The following CNTNAP5 variants were observed in gnomAD, a reference collection of about 807,000 sequenced individuals.
The protein encoded by CNTNAP5 is contactin associated protein family member 5, also known as contactin-associated protein-like 5.
Under a neutral mutation model 150.2 loss-of-function variants are expected in CNTNAP5, and 72 were observed. The ratio of observed to expected loss-of-function variants is 0.48; its 90% CI spans 0.40 to 0.58. CNTNAP5 has a LOEUF of 0.58. Ranked by LOEUF, CNTNAP5 falls within the 20% of genes least tolerant of loss-of-function variation. The pLI, the probability that CNTNAP5 is intolerant of heterozygous loss-of-function variation, is 0.00. For synonymous variants in CNTNAP5, 672 were observed against 619.8 expected (o/e 1.08, Z -1.25); for missense variants, 1,636 against 1,626.2 (o/e 1.01, Z -0.10).
At chr2:124,498,026 A>C (rs1010394461) in intron 7 of CNTNAP5, among the ~76,000 whole-genome samples, 1 of 152,224 alleles carries the variant, frequency 6.6e-6, no homozygotes, top group Admixed American at 6.5e-5. Context: ...TCATGAGATG[A>C]TCATGGTAAT....
At chr2:124,829,072 A>C (rs965510827) in intron 19 of CNTNAP5, among the ~76,000 whole-genome samples, 1 of 152,154 alleles carries the variant, frequency 6.6e-6, no homozygotes, top group Non-Finnish European at 1.5e-5. Flanking sequence ...GTGCAAGAAA[A>C]GGCAAGGGCT....
intron 16 of CNTNAP5, among the ~76,000 whole-genome samples, chr2:124,768,659 G>A (rs1268020385): frequency 6.6e-6 from 1 of 152,040 alleles, no homozygotes; most frequent in Non-Finnish European, 1.5e-5. Flanking sequence ...AGGGGAAGTG[G>A]CAAGCCCTGA....
At chr2:124,164,067 G>T (rs1048296569) in intron 1 of CNTNAP5, among the ~76,000 whole-genome samples, 4 of 151,962 alleles carry the variant, frequency 2.6e-5, no homozygotes, top group African/African-American at 2.4e-5. Flanking sequence ...TGTGTTTCTG[G>T]CTCTGAAAAC....
chr2:124,622,534 G>A (rs1029413734), intron 12 of CNTNAP5, among the ~76,000 whole-genome samples: 3 of 151,912 alleles, frequency 2.0e-5, no homozygotes, highest in Non-Finnish European at 4.4e-5. Flanking sequence ...TAGGTCTTTG[G>A]GGAATTGCCA....
chr2:124,538,059 CGAG>C (rs1695282081), intron 10 of CNTNAP5, among the ~76,000 whole-genome samples: 1 of 152,124 alleles, frequency 6.6e-6, no homozygotes, highest in African/African-American at 2.4e-5. Context: ...CTTCCAAAGA[CGAG>C]GAGTTCATTT....
chr2:124,079,979 G>A (rs537044816), intron 1 of CNTNAP5, among the ~76,000 whole-genome samples: 1 of 152,294 alleles, frequency 6.6e-6, no homozygotes, highest in Non-Finnish European at 1.5e-5. Flanking sequence ...TGAGAAGAGT[G>A]CCTAGCACAT....
intron 13 of CNTNAP5, among the ~76,000 whole-genome samples, chr2:124,731,423 T>A (rs1431184618): frequency 5.9e-5 from 9 of 152,008 alleles, no homozygotes. Context: ...TAGATAGGAT[T>A]GTGATAAATT....
chr2:124,375,554 T>A (rs906311018), intron 3 of CNTNAP5, among the ~76,000 whole-genome samples: 2 of 152,060 alleles, frequency 1.3e-5, no homozygotes, highest in Admixed American at 6.6e-5. Context: ...TAATGCAATA[T>A]GAGATTATGG....
intron 6 of CNTNAP5, among the ~76,000 whole-genome samples, chr2:124,455,363 T>G (rs1693095308): frequency 6.6e-6 from 1 of 152,014 alleles, no homozygotes; most frequent in Non-Finnish European, 1.5e-5. Context: ...GAATTAGATA[T>G]GCTGAACAGA....
At chr2:124,180,932 C>T (rs759849933) in intron 1 of CNTNAP5, among the ~76,000 whole-genome samples, 12 of 151,944 alleles carry the variant, frequency 7.9e-5, no homozygotes, top group South Asian at 4.2e-4. Flanking sequence ...CTGGTAAAAG[C>T]CAAGGGCTTC....
At chr2:124,415,892 G>T (rs1298585856) in intron 3 of CNTNAP5, among the ~76,000 whole-genome samples, 1 of 151,972 alleles carries the variant, frequency 6.6e-6, no homozygotes, top group Admixed American at 6.6e-5. Flanking sequence ...TGAGCCTTTG[G>T]ATTTCATCTT....
intron 3 of CNTNAP5, among the ~76,000 whole-genome samples, chr2:124,336,060 C>A (rs1425735321): frequency 6.6e-6 from 1 of 151,042 alleles, no homozygotes; most frequent in Non-Finnish European, 1.5e-5. Flanking sequence ...AAAAAAAAAA[C>A]CTAGGCAATT....
chr2:124,775,683 A>G (rs1057296964), intron 17 of CNTNAP5, among the ~76,000 whole-genome samples: 1 of 152,186 alleles, frequency 6.6e-6, no homozygotes, highest in Non-Finnish European at 1.5e-5. Flanking sequence ...TCAATATTTT[A>G]ACTTCAGGCT....
At chr2:124,886,774 AC>A (rs1179582882) in intron 21 of CNTNAP5, among the ~76,000 whole-genome samples, 34 of 151,862 alleles carry the variant, frequency 2.2e-4, no homozygotes, top group Admixed American at 7.2e-4. Flanking sequence ...GGAATTCCAA[AC>A]TCCCCCTGCT....
chr2:124,057,448 ATTTTTTTTTTT>A (rs556571236), intron 1 of CNTNAP5, among the ~76,000 whole-genome samples: 2 of 62,826 alleles, frequency 3.2e-5, no homozygotes, highest in African/African-American at 7.8e-5. Flanking sequence ...CGGCCAGCTA[ATTTTTTTTTTT>A]TTTTTTTTTT....
rs191023001 is a variant in CNTNAP5 at position 124,863,710 on chromosome 2, G to T, written c.3218-1596G>T. ...ATTCAAATACTTGGGTGAGGACTGG[G>T]GATCAGTCAGGGACACGGTGGTTAC... On this transcript the variant is annotated intron_variant, in intron 19 of 23. Transcript: ENST00000682447. 3.5e-3 allele frequency among the ~76,000 whole-genome samples: 536 copies of T among 152,206 alleles called. 2 individuals carry two copies. The highest frequency in any genetic ancestry group is 1.8e-3 in the Non-Finnish European group (123 of 68,016).
In CNTNAP5 at chr2:124,212,811, T is replaced by C. The variant is rs377315753; in HGVS notation, c.83-8894T>C. 3.2e-3 allele frequency among the ~76,000 whole-genome samples: 464 copies of C among 144,354 alleles called. 3 individuals are homozygous for C. The highest frequency in any genetic ancestry group is 0.011 in the African/African-American group (439 of 39,960). 94.7% of individuals were successfully genotyped at this position (144,354 alleles called of 152,430 possible). On this transcript the variant is annotated intron_variant, in intron 1 of 23. Transcript: ENST00000682447. ...CCTTAACTTAGGCTTGGCTGGGACCTACCATGTGTAGATAAATCTTTTTTT... is the reference window on the plus strand; with the variant it reads ...CCTTAACTTAGGCTTGGCTGGGACCCACCATGTGTAGATAAATCTTTTTTT...
chr2:124,283,795 A>G (rs1341318193), intron 3 of CNTNAP5, among the ~76,000 whole-genome samples: 1 of 152,210 alleles, frequency 6.6e-6, no homozygotes, highest in East Asian at 1.9e-4. Flanking sequence ...TTTCTGTTTC[A>G]TAGATGGCAC....
intron 12 of CNTNAP5, among the ~76,000 whole-genome samples, chr2:124,638,502 A>G (rs1678020021): frequency 6.6e-6 from 1 of 152,166 alleles, no homozygotes; most frequent in South Asian, 2.1e-4. Flanking sequence ...AATTTAATGT[A>G]CAGCTAGGCT....
Sources: allele counts gnomAD v4.1 joint callset (sites outside exome capture counted in the v4.1 genomes callset), GRCh38; gene constraint gnomAD v4.1.1; transcripts MANE v1.5; gene names NCBI Gene and HGNC (gene_info 2026-07-23, HGNC 2026-07-21).